The following KIF21B variants were observed in gnomAD, a reference collection of about 807,000 sequenced individuals.
KIF21B encodes kinesin-like protein KIF21B.
A neutral mutation model predicts 192.9 loss-of-function variants in KIF21B; 85 were observed. The observed-to-expected ratio is 0.44, with a 90% CI of 0.37 to 0.53. The LOEUF (loss-of-function observed/expected upper bound fraction) is 0.53. Among genes scored for constraint, KIF21B ranks in the 20% least tolerant of loss-of-function variants. The probability of loss-of-function intolerance (pLI) is 0.00; values close to 1 mark genes in which losing one functional copy is unlikely to be tolerated. For missense variants in KIF21B, 1,716 were observed against 2,194.8 expected (o/e 0.78, Z 4.36); for synonymous variants, 832 against 884.6 (o/e 0.94, Z 1.05).
In KIF21B at chr1:200,979,654, G is replaced by C; in HGVS notation, c.4041C>G (p.His1347Gln). Residue 1347 changes from histidine to glutamine, a missense_variant, in exon 30 of 35, where the codon CAC becomes CAG. By Grantham distance (24) the His-to-Gln change is conservative (BLOSUM62 0). Coordinates refer to ENST00000461742, the MANE Select transcript of KIF21B (RefSeq NM_001252102.2). ...TGQEIAALKG[H>Q]PNNVVSIKYC... The stretch of plus-strand genomic sequence containing the variant: ...ACTTGATGGAGACCACGTTGTTGGG[G>C]TGGCCCTTTAGAGCTGCGATCTCCT... 6.3e-7 allele frequency: 1 copy of C among 1,587,582 alleles called. No individual in the cohort carries two copies. The highest frequency in any genetic ancestry group is 8.6e-7 in the Non-Finnish European group (1 of 1,167,278).
intron 1 of KIF21B, among the ~76,000 whole-genome samples, chr1:201,013,559 T>C (rs1658348257): frequency 6.6e-6 from 1 of 152,158 alleles, no homozygotes; most frequent in African/African-American, 2.4e-5. Flanking sequence ...GGTCTCACTA[T>C]GTTGCCCAGG....
In KIF21B at chr1:200,990,600, C is replaced by T. The variant is rs61740468; in HGVS notation, c.2811G>A (p.Glu937=). 9,597 of 1,614,066 alleles carry T rather than the reference C, an allele frequency of 5.9e-3. 286 individuals are homozygous for T. In the African/African-American group the frequency reaches 0.086, roughly 15 times the overall value. ...VMQRMTIVNL[E]ADMERLIKKR... is the part of the protein sequence containing the mutation. The stretch of plus-strand genomic sequence containing the variant: ...CCTTGATGAGCCGCTCCATGTCAGC[C>T]TCCAGGTTGACAATGGTCATTCTCT... Residue 937 remains glutamate, a synonymous_variant, in exon 19 of 35, where the codon GAG becomes GAA. Coordinates refer to ENST00000461742, the MANE Select transcript of KIF21B (RefSeq NM_001252102.2). The surrounding 1 kb of genome is among the most constrained non-coding windows in gnomAD (Gnocchi z 5.4).
rs376388809 is a variant in KIF21B, at chr1:200,999,326, G to C, written c.1885+23C>G. ...GCAGCCAGGCATTGCATCCCCCACA[G>C]CCCACAGCTCAGGCCCACGCACCCT... On this transcript the variant is annotated intron_variant, in intron 13 of 34. Coordinates refer to ENST00000461742, the MANE Select transcript of KIF21B (RefSeq NM_001252102.2). The surrounding 1 kb of genome is among the most constrained non-coding windows in gnomAD (Gnocchi z 4.7). 1.9e-6 allele frequency: 3 copies of C among 1,613,770 alleles called. No homozygotes were observed. In the African/African-American group the frequency reaches 4.0e-5, roughly 22 times the overall value.
chr1:200,995,768 G>A (rs1327444504), intron 15 of KIF21B, among the ~76,000 whole-genome samples: 1 of 152,186 alleles, frequency 6.6e-6, no homozygotes, highest in Non-Finnish European at 1.5e-5. Context: ...GACTAGCCTG[G>A]AGCCTGGCCA....
Position 201,017,468 on chromosome 1 carries a change from C to G in KIF21B, c.41+5875G>C, listed in dbSNP as rs1027661583. ...GCCACTCTCCCTGTCCCACCCCCAT[C>G]TCAGGGCATCTGGCAGGGGTTTCCC... On this transcript the variant is annotated intron_variant, in intron 1 of 34. Coordinates refer to ENST00000461742, the MANE Select transcript of KIF21B (RefSeq NM_001252102.2). This position sits in a 1 kb window ranked among gnomAD's most constrained non-coding sequence, Gnocchi z 4.1. Among the ~76,000 whole-genome samples the G allele has an allele frequency of 1.3e-5, 2 of 152,222 alleles. No homozygotes were observed. Among genetic ancestry groups the G allele is most frequent in the African/African-American group, 4.8e-5 (2 of 41,454 alleles).
At chr1:200,974,682 A>G (rs954888992) in intron 34 of KIF21B, 32 bp downstream of exon 34, 1 of 1,607,334 alleles carries the variant, frequency 6.2e-7, no homozygotes, top group Non-Finnish European at 8.5e-7. Flanking sequence ...GAGATGAGGG[A>G]GCAGAGGCAG....
intron 29 of KIF21B, among the ~76,000 whole-genome samples, chr1:200,980,140 G>A (rs539503522): frequency 2.0e-5 from 3 of 152,354 alleles, no homozygotes; most frequent in African/African-American, 4.8e-5. Flanking sequence ...TAGATTGACA[G>A]CTATCCCCCT....
Position 200,984,895 on chromosome 1 carries a change from A to G in KIF21B, c.3767T>C (p.Leu1256Pro). 1 of 1,605,750 alleles carries G rather than the reference A, an allele frequency of 6.2e-7. No individual in the cohort carries two copies. Among genetic ancestry groups the G allele is most frequent in the Non-Finnish European group, 8.5e-7 (1 of 1,176,958 alleles). Residue 1256 changes from leucine (L) to proline (P), a missense_variant, in exon 27 of 35, where the codon CTC becomes CCC. Physicochemically the swap from Leu to Pro is moderately conservative, Grantham distance 98 (BLOSUM62 -3). Transcript: ENST00000461742. ...PRNDRNVFSR[L>P]TSNQSQGSAL... Reference sequence around the variant, plus strand: ...TGACCCCTGGCTCTGATTACTGGTGAGACGAGAGAAGACATTGCGGTCATT... The same window carrying G: ...TGACCCCTGGCTCTGATTACTGGTGGGACGAGAGAAGACATTGCGGTCATT...
At position 200,979,591 on chromosome 1, in the gene KIF21B, G is replaced by A; in HGVS notation, c.4104C>T (p.Thr1368=). The change falls in exon 30 of 35, where the codon ACC becomes ACT. Residue 1368 remains threonine, a synonymous_variant. Transcript: ENST00000461742. ...GGATGTCCCACACCTTGATGTAGGA[G>A]GTGGACACGGAGAACACAAGCCCCG... ...SHSGLVFSVS[T]SYIKVWDIRD... is the part of the protein sequence containing the mutation. 1 of 1,592,106 alleles carries A rather than the reference G, an allele frequency of 6.3e-7. No individual in the cohort carries two copies. Among genetic ancestry groups the A allele is most frequent in the Non-Finnish European group, 8.6e-7 (1 of 1,169,574 alleles).
In KIF21B at chr1:201,000,548, G is replaced by C. The variant is rs776771018; in HGVS notation, c.1527C>G (p.Ala509=). 1.2e-6 allele frequency: 2 copies of C among 1,613,124 alleles called. No homozygotes were observed. Among genetic ancestry groups the C allele is most frequent in the Admixed American group, 3.3e-5 (2 of 59,968 alleles). ...NESLRRSLSR[A]SARSPYSLGA... is the part of the protein sequence containing the mutation. Reference sequence around the variant, plus strand: ...CCAGGGAGTAGGGGCTCCTAGCCGAGGCCCGTGAGAGGCTGCGGCGCAGGG... The same window carrying C: ...CCAGGGAGTAGGGGCTCCTAGCCGACGCCCGTGAGAGGCTGCGGCGCAGGG... Residue 509 remains alanine, a synonymous_variant, in exon 11 of 35, where the codon GCC becomes GCG. Transcript: ENST00000461742. The surrounding 1 kb of genome is among the most constrained non-coding windows in gnomAD (Gnocchi z 6.0).
chr1:200,995,048 C>T (rs1160729966), intron 15 of KIF21B, among the ~76,000 whole-genome samples: 1 of 152,186 alleles, frequency 6.6e-6, no homozygotes, highest in African/African-American at 2.4e-5. Flanking sequence ...ATGAAGCCTC[C>T]GGACCTGCAG....
intron 27 of KIF21B, 22 bp from the exon 28 acceptor site, chr1:200,983,116 C>G: frequency 6.5e-7 from 1 of 1,535,358 alleles, no homozygotes; most frequent in South Asian, 1.2e-5. Context: ...AGAAAATTAG[C>G]TGGATTAGGG....
intron 1 of KIF21B, among the ~76,000 whole-genome samples, chr1:201,010,492 G>A (rs1301095083): frequency 6.6e-6 from 1 of 152,106 alleles, no homozygotes; most frequent in Non-Finnish European, 1.5e-5. Context: ...TGGCAACCAA[G>A]CAGGAGTCAG....
chr1:201,000,913 G>C lies in KIF21B; in HGVS notation c.1403-133C>G. 4 of 824,230 alleles carry C rather than the reference G, an allele frequency of 4.9e-6. No individual in the cohort carries two copies. Among genetic ancestry groups the C allele is most frequent in the Non-Finnish European group, 6.1e-6 (3 of 491,218 alleles). 51.1% of individuals were successfully genotyped at this position (824,230 alleles called of 1,614,324 possible). ...ACCTGAGGCTGGGAGTTCGAGACTA[G>C]CCTGACCAACATGGAGAAACCCCGT... On this transcript the variant is annotated intron_variant, in intron 9 of 34. Coordinates refer to ENST00000461742, the MANE Select transcript of KIF21B (RefSeq NM_001252102.2). The surrounding 1 kb of genome is among the most constrained non-coding windows in gnomAD (Gnocchi z 6.0).
At chr1:200,987,387 C>A (rs1387551707) in intron 24 of KIF21B, among the ~76,000 whole-genome samples, 186 bp from the exon 25 acceptor site, 1 of 148,444 alleles carries the variant, frequency 6.7e-6, no homozygotes, top group African/African-American at 2.6e-5. Context: ...ACTACAGGCA[C>A]GTGCCACCAT....
chr1:201,003,757 C>T lies in KIF21B; in HGVS notation c.1041G>A (p.Val347=). The change falls in exon 8 of 35, where the codon GTG becomes GTA. Residue 347 remains valine, a synonymous_variant. Transcript: ENST00000461742. ...GNSQTIMIAC[V]SPSDRDFMET... ...CCATGAAATCTCGGTCTGAGGGGCT[C>T]ACACAGGCGATCATGATGGTCTGGC... 1 of 1,614,158 alleles carries T rather than the reference C, an allele frequency of 6.2e-7. No homozygotes were observed. Among genetic ancestry groups the T allele is most frequent in the Non-Finnish European group, 8.5e-7 (1 of 1,180,020 alleles).
chr1:201,015,353 C>T (rs1245021746), intron 1 of KIF21B, among the ~76,000 whole-genome samples: 4 of 152,318 alleles, frequency 2.6e-5, no homozygotes, highest in African/African-American at 9.6e-5. Flanking sequence ...ACTAGAATCG[C>T]CTTTCAGATG....
At position 200,992,354 on chromosome 1, in the gene KIF21B, C is replaced by T; in HGVS notation, c.2313G>A (p.Gln771=). ...TCTTGGTCTCCACTAGCCGCCGCCG[C>T]TGTTGCTCCTCACGCATCTGCTTCA... The part of the protein sequence containing the change: ...ALMKQMREEQ[Q]RRRLVETKRN... The change falls in exon 16 of 35, where the codon CAG becomes CAA. Residue 771 remains glutamine (Q), a synonymous_variant. Transcript: ENST00000461742. 1 of 1,613,318 alleles carries T rather than the reference C, an allele frequency of 6.2e-7. No individual in the cohort carries two copies. Among genetic ancestry groups the T allele is most frequent in the Non-Finnish European group, 8.5e-7 (1 of 1,180,044 alleles).
chr1:200,997,279 C>T (rs1244115471), intron 14 of KIF21B, among the ~76,000 whole-genome samples: 1 of 152,220 alleles, frequency 6.6e-6, no homozygotes, highest in African/African-American at 2.4e-5. Context: ...TGTGCTCTAA[C>T]CATCCTGGTC....
Sources: gnomAD v4.1 joint callset for allele counts (sites outside exome capture counted in the v4.1 genomes callset) on GRCh38, gnomAD v4.1.1 for gene constraint, Gnocchi (gnomAD v3.1) non-coding constraint, MANE v1.5 for transcripts, NCBI Gene and HGNC (gene_info 2026-07-23, HGNC 2026-07-21) for gene names.